Variants in KLF8 observed in about 807,000 individuals in gnomAD.
KLF8 encodes Krueppel-like factor 8.
Under a neutral mutation model 18.2 loss-of-function variants are expected in KLF8, and 10 were observed. The observed-to-expected ratio is 0.55, with a 90% CI of 0.34 to 0.93. KLF8 has a LOEUF of 0.93. Among genes scored for constraint, KLF8 ranks in the 40% least tolerant of loss-of-function variants. The probability of loss-of-function intolerance (pLI) is 0.02; values close to 1 mark genes in which losing one functional copy is unlikely to be tolerated. For missense variants in KLF8, 264 were observed against 277.9 expected (o/e 0.95, Z 0.36); for synonymous variants, 109 against 97.3 (o/e 1.12, Z -0.71).
chrX:56,078,858 G>T, the KLF8 span, among the ~76,000 whole-genome samples: 4 of 109,998 alleles, frequency 3.6e-5, no homozygotes, highest in Non-Finnish European at 7.6e-5. Flanking sequence ...ACTTCTTCCT[G>T]GTTTAGTCTT....
chrX:56,148,175 T>A, the KLF8 span, among the ~76,000 whole-genome samples: 1 of 111,933 alleles, frequency 8.9e-6, no homozygotes, highest in Non-Finnish European at 1.9e-5. Flanking sequence ...ATAATGCACT[T>A]TTGGTATTAA....
the KLF8 span, among the ~76,000 whole-genome samples, chrX:56,070,851 AG>A: frequency 8.9e-6 from 1 of 112,815 alleles, no homozygotes; most frequent in Non-Finnish European, 1.9e-5. Context: ...ACATTGGCTA[AG>A]TAAATATAAG....
chrX:56,149,313 A>T, the KLF8 span, among the ~76,000 whole-genome samples: 2 of 111,989 alleles, frequency 1.8e-5, no homozygotes, highest in Non-Finnish European at 3.8e-5. Context: ...TTATTGCATG[A>T]GATTCAAAGG....
chrX:56,223,007 A>T, the KLF8 span, among the ~76,000 whole-genome samples: 1 of 113,071 alleles, frequency 8.8e-6, no homozygotes, highest in Admixed American at 9.2e-5. Context: ...CCCACAGTGC[A>T]GCAGCAGGCT....
the KLF8 span, among the ~76,000 whole-genome samples, chrX:56,135,854 A>T: frequency 8.9e-6 from 1 of 111,922 alleles, no homozygotes; most frequent in Non-Finnish European, 1.9e-5. Context: ...AATCTCTTGG[A>T]TACAGCAGTG....
the KLF8 span, among the ~76,000 whole-genome samples, chrX:56,178,839 A>G: frequency 2.7e-5 from 3 of 111,711 alleles, no homozygotes; most frequent in African/African-American, 3.3e-5. Flanking sequence ...TTCCATTGGT[A>G]TATATGTCTG....
At chrX:56,203,684 T>C in the KLF8 span, among the ~76,000 whole-genome samples, 1 of 112,145 alleles carries the variant, frequency 8.9e-6, no homozygotes, top group African/African-American at 3.2e-5. Context: ...GAAGAGATGG[T>C]CCATTCCCCA....
the KLF8 span, among the ~76,000 whole-genome samples, chrX:56,177,485 G>A: frequency 1.8e-5 from 2 of 110,500 alleles, no homozygotes; most frequent in African/African-American, 3.3e-5. Flanking sequence ...AGGAGTACCC[G>A]GCCATGTGAG....
chrX:56,257,341 G>T (rs1486877070), intron 2 of KLF8, among the ~76,000 whole-genome samples: 1 of 111,913 alleles, frequency 8.9e-6, no homozygotes, highest in Non-Finnish European at 1.9e-5. Context: ...TGCAGATTAA[G>T]TCTGATGTTT....
chrX:56,161,825 C>G, the KLF8 span, among the ~76,000 whole-genome samples: 1 of 111,822 alleles, frequency 8.9e-6, no homozygotes, highest in African/African-American at 3.3e-5. Context: ...AGCTGCATTC[C>G]TTTGGTGGAG....
chrX:56,055,171 T>C, the KLF8 span, among the ~76,000 whole-genome samples: 1 of 112,196 alleles, frequency 8.9e-6, no homozygotes, highest in Non-Finnish European at 1.9e-5. Context: ...TTTATATTGT[T>C]ACTGGCCTCT....
the KLF8 span, among the ~76,000 whole-genome samples, chrX:55,942,273 A>T: frequency 9.0e-6 from 1 of 110,737 alleles, no homozygotes; most frequent in African/African-American, 3.3e-5. Context: ...AAGGACAAAA[A>T]ACCAAACACC....
the KLF8 span, among the ~76,000 whole-genome samples, chrX:56,069,746 C>T: frequency 9.9e-5 from 11 of 111,660 alleles, no homozygotes; most frequent in Middle Eastern, 4.6e-3. Flanking sequence ...CAGTCATGCC[C>T]GGCTTCCTGC....
chrX:56,138,066 A>AAC, the KLF8 span, among the ~76,000 whole-genome samples: 2 of 105,122 alleles, frequency 1.9e-5, no homozygotes, highest in East Asian at 3.0e-4. Context: ...AAAAAAAAAA[A>AAC]CCCTCAGAGA....
At chrX:56,163,734 T>A in the KLF8 span, among the ~76,000 whole-genome samples, 1 of 112,242 alleles carries the variant, frequency 8.9e-6, no homozygotes, top group Non-Finnish European at 1.9e-5. Flanking sequence ...AGTTTAGGGT[T>A]TTACATTTAA....
chrX:56,201,433 G>A, the KLF8 span, among the ~76,000 whole-genome samples: 2 of 111,419 alleles, frequency 1.8e-5, no homozygotes, highest in Non-Finnish European at 3.8e-5. Context: ...ACAAAAACAT[G>A]GTAGTTGTTA....
At chrX:55,950,414 G>A in the KLF8 span, among the ~76,000 whole-genome samples, 2 of 111,387 alleles carry the variant, frequency 1.8e-5, no homozygotes, top group South Asian at 7.7e-4. Context: ...GAGTAAAACA[G>A]ACCCGGATTC....
chrX:56,265,681 G>C lies in KLF8; in HGVS notation c.583G>C (p.Asp195His), dbSNP rs760574954. 1 of 1,209,303 alleles carries C rather than the reference G, an allele frequency of 8.3e-7. No individual in the cohort carries two copies. Among genetic ancestry groups the C allele is most frequent in the Non-Finnish European group, 1.1e-6 (1 of 895,439 alleles). The change falls in exon 3 of 6, where the codon GAT becomes CAT. Residue 195 changes from aspartate to histidine, a missense_variant. Around this residue, in one of 2 missense-constraint regions of KLF8, gnomAD observed 221 missense variants for 193.6 expected, o/e 1.14. Transcript: ENST00000468660. ...LPMVYTTLPA[D>H]GGPAAITVPL... is the part of the protein sequence containing the mutation. ...CATGGTGTATACTACTTTGCCTGCAGATGGGGGCCCTGCAGCCATTACAGT... is the reference window on the plus strand; with the variant it reads ...CATGGTGTATACTACTTTGCCTGCACATGGGGGCCCTGCAGCCATTACAGT...
At chrX:56,170,816 A>G in the KLF8 span, among the ~76,000 whole-genome samples, 3 of 111,825 alleles carry the variant, frequency 2.7e-5, no homozygotes, top group East Asian at 2.8e-4. Flanking sequence ...AGATATCAGT[A>G]TACAAGTACA....
Sources: gnomAD v4.1 joint callset for allele counts (sites outside exome capture counted in the v4.1 genomes callset) on GRCh38, gnomAD v4.1.1 for gene constraint, gnomAD v4.1.1 regional missense constraint, MANE v1.5 for transcripts, NCBI Gene and HGNC (gene_info 2026-07-23, HGNC 2026-07-21) for gene names.